Variants in SNRK observed in about 807,000 individuals in gnomAD.
SNRK encodes the protein SNF related kinase, also known as SNF-related serine/threonine-protein kinase.
SNRK carries 3 observed loss-of-function variants against 48.2 expected under a neutral mutation model. That is an observed-to-expected ratio of 0.06 (90% CI 0.03 to 0.16). SNRK has a LOEUF of 0.16. Ranked by LOEUF, SNRK falls within the 10% of genes least tolerant of loss-of-function variation. The pLI is 1.00. For synonymous variants in SNRK, 376 were observed against 366.1 expected (o/e 1.03, Z -0.31); for missense variants, 627 against 976.0 (o/e 0.64, Z 4.76).
chr3:43,311,467 T>C (rs935507019), intron 3 of SNRK, among the ~76,000 whole-genome samples: 3 of 152,152 alleles, frequency 2.0e-5, no homozygotes, highest in African/African-American at 7.2e-5. Flanking sequence ...TCATGCACTA[T>C]TGATTCAGTC....
chr3:43,319,501 A>T (rs1268270798), intron 3 of SNRK, among the ~76,000 whole-genome samples: 1 of 152,112 alleles, frequency 6.6e-6, no homozygotes, highest in Non-Finnish European at 1.5e-5. Context: ...GTGGATGGCT[A>T]AAAAAGGAGG....
In SNRK at chr3:43,348,672, AT is replaced by A; in HGVS notation, c.*117del. ...AAGTGGGCGTTAGGAGCAATTATTT[AT>A]TACCTTTCCATTTGTTCGCCTGATG... On this transcript the variant is annotated 3_prime_UTR_variant, in exon 7 of 7. Transcript: ENST00000296088. 8.9e-7 allele frequency: 1 copy of A among 1,119,154 alleles called. No individual in the cohort carries two copies. The highest frequency in any genetic ancestry group is 1.2e-6 in the Non-Finnish European group (1 of 847,366). 69.3% of individuals were successfully genotyped at this position (1,119,154 alleles called of 1,614,324 possible).
intron 5 of SNRK, 60 bp downstream of exon 5, chr3:43,340,559 C>G: frequency 7.0e-7 from 1 of 1,437,094 alleles, no homozygotes; most frequent in South Asian, 1.2e-5. Flanking sequence ...AATGGGCTCT[C>G]TCTACTTAAC....
intron 6 of SNRK, among the ~76,000 whole-genome samples, chr3:43,345,783 G>C (rs985948754): frequency 6.6e-6 from 1 of 152,176 alleles, no homozygotes; most frequent in East Asian, 1.9e-4. Flanking sequence ...ATTGGGAGTT[G>C]TCAAATCAAG....
intron 5 of SNRK, among the ~76,000 whole-genome samples, chr3:43,341,615 A>C (rs1190764572): frequency 6.6e-6 from 1 of 152,220 alleles, no homozygotes; most frequent in East Asian, 1.9e-4. Context: ...TGTTGAATGA[A>C]ACAGTTGGGT....
chr3:43,297,767 T>C (rs1402692300), intron 1 of SNRK, among the ~76,000 whole-genome samples: 1 of 152,196 alleles, frequency 6.6e-6, no homozygotes, highest in Non-Finnish European at 1.5e-5. Context: ...TATATTAATA[T>C]CATTTTAAAA....
chr3:43,348,908 A>G lies in SNRK; in HGVS notation c.*351A>G, dbSNP rs2091301269. 5.9e-6 allele frequency: 1 copy of G among 170,464 alleles called. No individual in the cohort carries two copies. The allele number at this position is 170,464 out of a possible 1,614,324, so 10.6% of individuals were successfully genotyped here. On this transcript the variant is annotated 3_prime_UTR_variant, in exon 7 of 7. Coordinates refer to ENST00000296088, the MANE Select transcript of SNRK (RefSeq NM_017719.5). Reference sequence around the variant, plus strand: ...AGAGAAAAAATGCTTTTCTTTGTGAAAAATCTGAATTCCTGTCCTGACCTT... The same window carrying G: ...AGAGAAAAAATGCTTTTCTTTGTGAGAAATCTGAATTCCTGTCCTGACCTT...
At position 43,350,314 on chromosome 3, in the gene SNRK, C is replaced by T. The variant is rs2125653860; in HGVS notation, c.*1757C>T. On this transcript the variant is annotated 3_prime_UTR_variant, in exon 7 of 7. Transcript: ENST00000296088. ...AGGGCCAGAAATAAGATGTGTGGTT[C>T]ACATAGATAGTGAGCGTAACATCTG... is the stretch of plus-strand genomic sequence containing the variant. 1 of 152,632 alleles carries T rather than the reference C, an allele frequency of 6.6e-6. No individual in the cohort carries two copies. The highest frequency in any genetic ancestry group is 2.1e-4 in the South Asian group (1 of 4,830). The allele number at this position is 152,632 out of a possible 1,614,324, so 9.5% of individuals were successfully genotyped here.
chr3:43,293,127 C>T (rs1382077510), intron 1 of SNRK, among the ~76,000 whole-genome samples: 3 of 152,006 alleles, frequency 2.0e-5, no homozygotes, highest in African/African-American at 7.3e-5. Context: ...TTTTTTGAGA[C>T]AGGCTCTTGC....
intron 1 of SNRK, among the ~76,000 whole-genome samples, chr3:43,289,542 A>C (rs1432775897): frequency 1.3e-5 from 2 of 152,200 alleles, no homozygotes; most frequent in African/African-American, 4.8e-5. Context: ...ACGAGTGAGC[A>C]CTGGAACTGT....
chr3:43,342,191 C>T (rs1010536638), intron 5 of SNRK, among the ~76,000 whole-genome samples: 1 of 152,108 alleles, frequency 6.6e-6, no homozygotes, highest in Non-Finnish European at 1.5e-5. Context: ...AAAGGTAGTG[C>T]AATTTAAATG....
At position 43,303,247 on chromosome 3, in the gene SNRK, T is replaced by C; in HGVS notation, c.44T>C (p.Leu15Ser). 6.2e-7 allele frequency: 1 copy of C among 1,614,160 alleles called. No homozygotes were observed. Among genetic ancestry groups the C allele is most frequent in the Non-Finnish European group, 8.5e-7 (1 of 1,180,016 alleles). ...KRGYDGKIAGLYDLDKTLGRG... is the reference protein window; with the variant it reads ...KRGYDGKIAGSYDLDKTLGRG... The stretch of plus-strand genomic sequence containing the variant: ...GGGTATGATGGAAAGATTGCTGGAT[T>C]ATATGATCTGGATAAAACCTTGGGT... Residue 15 changes from leucine to serine, a missense_variant, in exon 3 of 7, where the codon TTA (leucine) becomes TCA (serine). Leu to Ser is a moderately radical substitution (Grantham distance 145). This residue lies in a region of SNRK where 147 missense variants were observed against 356.8 expected (regional missense o/e 0.41). Coordinates refer to ENST00000296088, the MANE Select transcript of SNRK (RefSeq NM_017719.5). This position sits in a 1 kb window ranked among gnomAD's most constrained non-coding sequence, Gnocchi z 6.2.
intron 3 of SNRK, among the ~76,000 whole-genome samples, chr3:43,322,951 C>CCAAAAAAAAAA (rs367972969): frequency 1.5e-4 from 11 of 72,656 alleles, no homozygotes; most frequent in Non-Finnish European, 2.6e-4. Context: ...GACTCCGTCT[C>CCAAAAAAAAAA]AAAAAAAAAA....
Position 43,303,876 on chromosome 3 carries a change from T to G in SNRK, c.589+84T>G. ...ATCGGTTGTTTATCTAAAAATGATT[T>G]CTAGAGAATTTCTGTTAAATTGGCC... On this transcript the variant is annotated intron_variant, in intron 3 of 6. Transcript: ENST00000296088. This position sits in a 1 kb window ranked among gnomAD's most constrained non-coding sequence, Gnocchi z 6.2. 1 of 1,023,756 alleles carries G rather than the reference T, an allele frequency of 9.8e-7. No individual in the cohort carries two copies. The highest frequency in any genetic ancestry group is 1.6e-5 in the South Asian group (1 of 61,090). The allele number at this position is 1,023,756 out of a possible 1,614,324, so 63.4% of individuals were successfully genotyped here. A position where few individuals can be genotyped will look rare whatever the true frequency, so the allele number is the denominator to read the frequency against.
At chr3:43,300,102 A>G (rs1020767121) in intron 2 of SNRK, among the ~76,000 whole-genome samples, 7 of 152,188 alleles carry the variant, frequency 4.6e-5, no homozygotes, top group East Asian at 1.9e-4. Flanking sequence ...TTCATAGACT[A>G]TGGAAAAGGG....
chr3:43,308,223 T>C (rs1204289349), intron 3 of SNRK, among the ~76,000 whole-genome samples: 4 of 152,172 alleles, frequency 2.6e-5, no homozygotes. Flanking sequence ...AAGTACAAGA[T>C]GAAACAGCAA....
chr3:43,304,113 CTT>C (rs2090917345), intron 3 of SNRK, among the ~76,000 whole-genome samples: 1 of 152,090 alleles, frequency 6.6e-6, no homozygotes, highest in Non-Finnish European at 1.5e-5. Flanking sequence ...TAGTGGCTCT[CTT>C]TAGCCATCTC....
intron 4 of SNRK, among the ~76,000 whole-genome samples, chr3:43,338,140 A>T (rs1209076682): frequency 2.2e-4 from 33 of 152,232 alleles, no homozygotes; most frequent in Admixed American, 2.1e-3. Flanking sequence ...CACAAAGTAG[A>T]TATGATTATC....
At chr3:43,333,951 G>A (rs546987346) in intron 4 of SNRK, among the ~76,000 whole-genome samples, 1 of 152,208 alleles carries the variant, frequency 6.6e-6, no homozygotes, top group East Asian at 1.9e-4. Flanking sequence ...TTCGAGACCA[G>A]CCTGATCAAC....
Sources: gnomAD v4.1 joint callset for allele counts (sites outside exome capture counted in the v4.1 genomes callset) on GRCh38, gnomAD v4.1.1 for gene constraint, gnomAD v4.1.1 regional missense constraint, Gnocchi (gnomAD v3.1) non-coding constraint, MANE v1.5 for transcripts, NCBI Gene and HGNC (gene_info 2026-07-23, HGNC 2026-07-21) for gene names.